Variants in NHEJ1 observed in about 807,000 individuals in gnomAD.
The protein encoded by NHEJ1 is non-homologous end joining factor 1.
Under a neutral mutation model 39.4 loss-of-function variants are expected in NHEJ1, and 22 were observed. That is an observed-to-expected ratio of 0.56 (90% CI 0.40 to 0.80). The LOEUF is 0.80. Among genes scored for constraint, NHEJ1 ranks in the 30% least tolerant of loss-of-function variants. The pLI, the probability that NHEJ1 is intolerant of heterozygous loss-of-function variation, is 0.00. For missense variants in NHEJ1, 329 were observed against 357.1 expected (o/e 0.92, Z 0.63); for synonymous variants, 154 against 135.6 (o/e 1.14, Z -0.94).
At chr2:219,146,249 C>T (rs1287364641) in intron 5 of NHEJ1, among the ~76,000 whole-genome samples, 2 of 152,166 alleles carry the variant, frequency 1.3e-5, no homozygotes, top group Non-Finnish European at 2.9e-5. Context: ...AGACAGCCCC[C>T]AAATGGTAGC....
chr2:219,109,809 A>C lies in NHEJ1; in HGVS notation c.589-31603T>G, dbSNP rs190198956. Among the ~76,000 whole-genome samples the C allele has an allele frequency of 9.7e-4, 148 of 152,318 alleles. 1 individual carries two copies. Among genetic ancestry groups the C allele is most frequent in the African/African-American group, 3.2e-3 (135 of 41,568 alleles). On this transcript the variant is annotated intron_variant, in intron 5 of 7. Coordinates refer to ENST00000356853, the MANE Select transcript of NHEJ1 (RefSeq NM_024782.3). ...GGAAACAGGCCCTGTCAGACTGCCT[A>C]AGATAGTGGTTCTCTTTTTCCACCT... is the stretch of plus-strand genomic sequence containing the variant.
chr2:219,106,471 G>A (rs184465625), intron 5 of NHEJ1, among the ~76,000 whole-genome samples: 2 of 152,266 alleles, frequency 1.3e-5, no homozygotes, highest in Admixed American at 1.3e-4. Flanking sequence ...CTCAAAGTAG[G>A]AGAAAGGATG....
chr2:219,082,472 AC>A (rs1466133828), intron 5 of NHEJ1, among the ~76,000 whole-genome samples: 6 of 152,160 alleles, frequency 3.9e-5, no homozygotes, highest in African/African-American at 1.4e-4. Flanking sequence ...ATTTTCAACT[AC>A]AAATACGTAA....
chr2:219,104,486 C>T (rs1000273285), intron 5 of NHEJ1, among the ~76,000 whole-genome samples: 1 of 152,148 alleles, frequency 6.6e-6, no homozygotes, highest in Admixed American at 6.5e-5. Flanking sequence ...ATCAAGGCTA[C>T]TCTTTGAAGA....
At chr2:219,128,986 C>A (rs1378497806) in intron 5 of NHEJ1, among the ~76,000 whole-genome samples, 1 of 152,184 alleles carries the variant, frequency 6.6e-6, no homozygotes, top group Admixed American at 6.5e-5. Flanking sequence ...TTGGCCCCTT[C>A]CCTAGAGTTG....
At chr2:219,150,099 A>G (rs1949781277) in intron 3 of NHEJ1, among the ~76,000 whole-genome samples, 1 of 152,336 alleles carries the variant, frequency 6.6e-6, no homozygotes, top group South Asian at 2.1e-4. Flanking sequence ...ACTCTTTCAG[A>G]CCTTTGTGTT....
chr2:219,108,737 C>T (rs1473147611), intron 5 of NHEJ1, among the ~76,000 whole-genome samples: 1 of 152,056 alleles, frequency 6.6e-6, no homozygotes, highest in Non-Finnish European at 1.5e-5. Context: ...ACTGTTTTCC[C>T]CCTAGAGATA....
chr2:219,097,801 G>C (rs1340214842), intron 5 of NHEJ1, among the ~76,000 whole-genome samples: 1 of 152,158 alleles, frequency 6.6e-6, no homozygotes, highest in Non-Finnish European at 1.5e-5. Flanking sequence ...TTGGGAGAAA[G>C]AACTGGGCTG....
At chr2:219,134,863 C>A (rs555045655) in intron 5 of NHEJ1, among the ~76,000 whole-genome samples, 9 of 151,700 alleles carry the variant, frequency 5.9e-5, no homozygotes, top group African/African-American at 2.2e-4. Flanking sequence ...CATGGTGAAA[C>A]CCCGTCTCTA....
chr2:219,152,733 G>A (rs904556969), intron 3 of NHEJ1, among the ~76,000 whole-genome samples: 1 of 151,420 alleles, frequency 6.6e-6, no homozygotes, highest in African/African-American at 2.4e-5. Flanking sequence ...TCCCAAACTG[G>A]TGGGACTACA....
intron 5 of NHEJ1, among the ~76,000 whole-genome samples, chr2:219,115,473 T>G (rs1047513103): frequency 3.3e-5 from 5 of 152,204 alleles, no homozygotes; most frequent in African/African-American, 1.2e-4. Flanking sequence ...CCTGGGGGGC[T>G]GACTGATCAT....
At chr2:219,120,816 A>G (rs1949464241) in intron 5 of NHEJ1, among the ~76,000 whole-genome samples, 1 of 152,096 alleles carries the variant, frequency 6.6e-6, no homozygotes, top group African/African-American at 2.4e-5. Context: ...GAGCCACCAA[A>G]TCTTAGGGCT....
intron 5 of NHEJ1, among the ~76,000 whole-genome samples, chr2:219,128,063 T>C (rs1416838156): frequency 6.6e-6 from 1 of 152,212 alleles, no homozygotes; most frequent in African/African-American, 2.4e-5. Context: ...TCTATATCCA[T>C]TAGGAAATAG....
At chr2:219,105,139 C>T (rs1949301929) in intron 5 of NHEJ1, among the ~76,000 whole-genome samples, 1 of 152,194 alleles carries the variant, frequency 6.6e-6, no homozygotes, top group Admixed American at 6.5e-5. Flanking sequence ...AAGTAGATTA[C>T]TAATTTTCAA....
chr2:219,112,405 A>G, intron 5 of NHEJ1, among the ~76,000 whole-genome samples: 1 of 152,238 alleles, frequency 6.6e-6, no homozygotes. Context: ...TCACGCATAT[A>G]TAAATCATCA....
chr2:219,150,574 T>C (rs1225648055), intron 3 of NHEJ1, among the ~76,000 whole-genome samples: 1 of 152,048 alleles, frequency 6.6e-6, no homozygotes, highest in Admixed American at 6.5e-5. Context: ...AATCCCAGCA[T>C]TTTGGGAGGC....
At chr2:219,080,549 AAAT>A (rs1949053246) in intron 5 of NHEJ1, among the ~76,000 whole-genome samples, 5 of 133,464 alleles carry the variant, frequency 3.7e-5, no homozygotes, top group South Asian at 2.2e-4. Context: ...AAATAAATAA[AAAT>A]ATATATATAT....
intron 5 of NHEJ1, among the ~76,000 whole-genome samples, chr2:219,116,565 C>T (rs1455012442): frequency 1.3e-5 from 2 of 152,050 alleles, no homozygotes; most frequent in Non-Finnish European, 2.9e-5. Flanking sequence ...GCCATGTTGC[C>T]CAGGCTGTCT....
chr2:219,104,831 T>G (rs2106335759), intron 5 of NHEJ1, among the ~76,000 whole-genome samples: 1 of 152,360 alleles, frequency 6.6e-6, no homozygotes, highest in African/African-American at 2.4e-5. Context: ...AATTTTGGAC[T>G]CATTCCTACT....
Sources: allele counts gnomAD v4.1 joint callset (sites outside exome capture counted in the v4.1 genomes callset), GRCh38; gene constraint gnomAD v4.1.1; transcripts MANE v1.5; gene names NCBI Gene and HGNC (gene_info 2026-07-23, HGNC 2026-07-21).